Variants in RNF13 observed in about 807,000 individuals in gnomAD.
The protein encoded by RNF13 is ring finger protein 13.
In RNF13, 19 loss-of-function variants were observed where a neutral mutation model predicts 37.7. The ratio of observed to expected loss-of-function variants is 0.50; its 90% CI spans 0.35 to 0.74. RNF13 has a LOEUF of 0.74. Among genes scored for constraint, RNF13 ranks in the 30% least tolerant of loss-of-function variants. The pLI, the probability that RNF13 is intolerant of heterozygous loss-of-function variation, is 0.01. For missense variants in RNF13, 375 were observed against 453.0 expected, an observed-to-expected ratio of 0.83 and a Z score of 1.56; for synonymous variants, 144 against 157.8, an observed-to-expected ratio of 0.91 and a Z score of 0.65.
Position 149,914,538 on chromosome 3 carries a change from C to T in RNF13, c.606+2455C>T, listed in dbSNP as rs186222223. Reference sequence around the variant, plus strand: ...ACAAACAAAAATACCCTTGGAAAACCAGGAGTACAAGTAAATAACCTTATA... The same window carrying T: ...ACAAACAAAAATACCCTTGGAAAACTAGGAGTACAAGTAAATAACCTTATA... On this transcript the variant is annotated intron_variant, in intron 7 of 9. Coordinates refer to ENST00000392894, the MANE Select transcript of RNF13 (RefSeq NM_183381.3). Among the ~76,000 whole-genome samples the T allele has an allele frequency of 8.5e-4, 130 of 152,058 alleles. 1 individual carries two copies. Among genetic ancestry groups the T allele is most frequent in the Admixed American group, 6.5e-3 (99 of 15,264 alleles).
At chr3:149,846,352 G>A (rs1415534113) in intron 2 of RNF13, among the ~76,000 whole-genome samples, 2 of 152,114 alleles carry the variant, frequency 1.3e-5, no homozygotes, top group African/African-American at 2.4e-5. Flanking sequence ...GCCCAGGCTG[G>A]AGTACATTGT....
At chr3:149,954,612 A>G (rs562162401) in intron 8 of RNF13, among the ~76,000 whole-genome samples, 1 of 152,208 alleles carries the variant, frequency 6.6e-6, no homozygotes, top group South Asian at 2.1e-4. Flanking sequence ...ACTTGAATAT[A>G]GTATCTGTAA....
chr3:149,868,254 T>A (rs183246567), intron 3 of RNF13, among the ~76,000 whole-genome samples: 1 of 151,922 alleles, frequency 6.6e-6, no homozygotes, highest in Non-Finnish European at 1.5e-5. Context: ...AATTATGGTG[T>A]GAGTATTCTG....
chr3:149,845,818 A>G (rs1722589868), intron 1 of RNF13, 193 bp from the exon 2 acceptor site: 1 of 477,860 alleles, frequency 2.1e-6, no homozygotes, highest in Non-Finnish European at 3.7e-6. Context: ...GGTATTGACT[A>G]AACATGGGTG....
intron 8 of RNF13, among the ~76,000 whole-genome samples, chr3:149,932,059 C>T (rs1004712903): frequency 5.9e-5 from 9 of 151,984 alleles, no homozygotes; most frequent in Non-Finnish European, 1.0e-4. Context: ...GTATATATGC[C>T]ACATTTTCTT....
intron 3 of RNF13, among the ~76,000 whole-genome samples, chr3:149,853,963 A>C (rs1428204873): frequency 6.6e-6 from 1 of 150,782 alleles, no homozygotes; most frequent in Non-Finnish European, 1.5e-5. Context: ...CAACCTCCCG[A>C]GTGGCTGAGA....
intron 1 of RNF13, among the ~76,000 whole-genome samples, chr3:149,822,046 C>G (rs1720040086): frequency 1.3e-5 from 2 of 152,066 alleles, no homozygotes; most frequent in African/African-American, 2.4e-5. Flanking sequence ...ATTACTGTAG[C>G]TTTGTGGTAA....
chr3:149,870,727 G>T (rs1711938045), intron 3 of RNF13, among the ~76,000 whole-genome samples: 2 of 151,840 alleles, frequency 1.3e-5, no homozygotes, highest in Admixed American at 1.3e-4. Flanking sequence ...ATGGGATTAA[G>T]AAGAGGAGCT....
At chr3:149,926,459 C>G (rs914434232) in intron 8 of RNF13, among the ~76,000 whole-genome samples, 1 of 152,128 alleles carries the variant, frequency 6.6e-6, no homozygotes, top group Non-Finnish European at 1.5e-5. Flanking sequence ...ATCTGCCCAC[C>G]TTGGCCTCCC....
chr3:149,817,588 G>A (rs936218265), intron 1 of RNF13, among the ~76,000 whole-genome samples: 1 of 152,160 alleles, frequency 6.6e-6, no homozygotes, highest in Non-Finnish European at 1.5e-5. Context: ...CTGTGTGCTT[G>A]TTATGGGGGG....
At chr3:149,882,134 T>G (rs1713490416) in intron 4 of RNF13, among the ~76,000 whole-genome samples, 1 of 152,024 alleles carries the variant, frequency 6.6e-6, no homozygotes, top group Non-Finnish European at 1.5e-5. Flanking sequence ...GGAGAAAAAC[T>G]ATAGTCTGTT....
chr3:149,813,767 CCT>C (rs1719144799), intron 1 of RNF13: 1 of 152,432 alleles, frequency 6.6e-6, no homozygotes, highest in South Asian at 2.1e-4. Context: ...GCAGTCACTT[CCT>C]CTCTTTTACC....
At chr3:149,847,990 T>C (rs1198790888) in intron 2 of RNF13, among the ~76,000 whole-genome samples, 2 of 152,250 alleles carry the variant, frequency 1.3e-5, no homozygotes, top group Non-Finnish European at 2.9e-5. Context: ...ACTCAGCTGC[T>C]ATAAGTGCCA....
At chr3:149,906,960 T>C (rs1716480352) in intron 6 of RNF13, among the ~76,000 whole-genome samples, 2 of 152,150 alleles carry the variant, frequency 1.3e-5, no homozygotes, top group Non-Finnish European at 2.9e-5. Flanking sequence ...TCTGTTTTTA[T>C]GTATTCAGCT....
chr3:149,934,978 T>TA (rs1256365413), intron 8 of RNF13, among the ~76,000 whole-genome samples: 1 of 152,236 alleles, frequency 6.6e-6, no homozygotes, highest in African/African-American at 2.4e-5. Flanking sequence ...TCAGAAAAGA[T>TA]ACTTGATACA....
At chr3:149,849,108 G>A (rs1025371281) in intron 2 of RNF13, among the ~76,000 whole-genome samples, 8 of 152,024 alleles carry the variant, frequency 5.3e-5, no homozygotes, top group South Asian at 4.2e-4. Flanking sequence ...AAAAAGAAAC[G>A]TAATACTATT....
intron 1 of RNF13, among the ~76,000 whole-genome samples, chr3:149,819,766 T>G (rs1373183081): frequency 1.3e-5 from 2 of 152,250 alleles, no homozygotes; most frequent in African/African-American, 4.8e-5. Flanking sequence ...TTCTGAAAAC[T>G]GCTTAATCTG....
At chr3:149,832,711 A>G (rs577678095) in intron 1 of RNF13, among the ~76,000 whole-genome samples, 7 of 152,318 alleles carry the variant, frequency 4.6e-5, no homozygotes, top group African/African-American at 1.7e-4. Context: ...CACAACTACC[A>G]ATTTTATAGA....
chr3:149,900,489 A>G (rs568351556), intron 5 of RNF13, among the ~76,000 whole-genome samples: 8 of 152,178 alleles, frequency 5.3e-5, no homozygotes, highest in African/African-American at 1.7e-4. Flanking sequence ...CAGGAGGGGC[A>G]CTTGAGCCCA....
Sources: gnomAD v4.1 joint callset for allele counts (sites outside exome capture counted in the v4.1 genomes callset) on GRCh38, gnomAD v4.1.1 for gene constraint, MANE v1.5 for transcripts, NCBI Gene and HGNC (gene_info 2026-07-23, HGNC 2026-07-21) for gene names.